The following PAPSS2 variants were observed in gnomAD, a reference collection of about 807,000 sequenced individuals.
PAPSS2 encodes bifunctional 3'-phosphoadenosine 5'-phosphosulfate synthase 2.
Under a neutral mutation model 66.5 loss-of-function variants are expected in PAPSS2, and 61 were observed. That is an observed-to-expected ratio of 0.92 (90% CI 0.75 to 1.14). The LOEUF is 1.14. Among genes scored for constraint, PAPSS2 ranks in the 50% most tolerant of loss-of-function variants. The probability of loss-of-function intolerance (pLI) is 0.00; values close to 1 mark genes in which losing one functional copy is unlikely to be tolerated. For missense variants in PAPSS2, 708 were observed against 789.6 expected, an observed-to-expected ratio of 0.90 and a Z score of 1.24; for synonymous variants, 289 against 287.5, an observed-to-expected ratio of 1.01 and a Z score of -0.05.
At chr10:87,730,313 A>G (rs1439556082) in intron 9 of PAPSS2, among the ~76,000 whole-genome samples, 1 of 152,204 alleles carries the variant, frequency 6.6e-6, no homozygotes, top group East Asian at 1.9e-4. Flanking sequence ...TCCTGAGATT[A>G]TAGAAAAAAT....
chr10:87,741,333 T>C lies in PAPSS2; in HGVS notation c.1185T>C (p.Pro395=). 1.2e-6 allele frequency: 2 copies of C among 1,613,846 alleles called. No individual in the cohort carries two copies. The highest frequency in any genetic ancestry group is 1.7e-6 in the Non-Finnish European group (2 of 1,179,726). ...NDGLDQYRLT[P]LELKQKCKEM... is the part of the protein sequence containing the mutation. ...GGCTGGACCAATACCGTCTGACACCTCTGGAGCTCAAACAGAAATGTAAAG... is the reference window on the plus strand; with the variant it reads ...GGCTGGACCAATACCGTCTGACACCCCTGGAGCTCAAACAGAAATGTAAAG... Residue 395 remains proline (P), a synonymous_variant, in exon 10 of 13, where the codon CCT becomes CCC. Transcript: ENST00000456849.
intron 9 of PAPSS2, among the ~76,000 whole-genome samples, chr10:87,739,389 G>T (rs995535154): frequency 2.0e-5 from 3 of 152,198 alleles, no homozygotes; most frequent in African/African-American, 7.2e-5. Flanking sequence ...GCGCTTTGGA[G>T]ATTTCCTTTT....
At chr10:87,689,030 A>C (rs1256234173) in intron 1 of PAPSS2, among the ~76,000 whole-genome samples, 1 of 152,086 alleles carries the variant, frequency 6.6e-6, no homozygotes, top group African/African-American at 2.4e-5. Flanking sequence ...CACAAAGTTA[A>C]GGAATAAAGA....
chr10:87,668,919 T>C (rs1020282668), intron 1 of PAPSS2, among the ~76,000 whole-genome samples: 1 of 152,210 alleles, frequency 6.6e-6, no homozygotes, highest in African/African-American at 2.4e-5. Context: ...CCCTGCCTAT[T>C]TTCTACAGCT....
chr10:87,695,464 G>T (rs1203786434), intron 1 of PAPSS2, among the ~76,000 whole-genome samples: 1 of 152,146 alleles, frequency 6.6e-6, no homozygotes. Context: ...CAGGTTAGGG[G>T]GCAAAAGGCA....
At chr10:87,738,954 A>T (rs1000344839) in intron 9 of PAPSS2, among the ~76,000 whole-genome samples, 1 of 152,148 alleles carries the variant, frequency 6.6e-6, no homozygotes, top group Non-Finnish European at 1.5e-5. Flanking sequence ...TGATTTTCAA[A>T]TATTTTCTCT....
In PAPSS2 at chr10:87,713,170, G is replaced by C; in HGVS notation, c.241G>C (p.Val81Leu). ...IPCYSLDGDN[V>L]RHGLNRNLGF... Reference sequence around the variant, plus strand: ...TTGTTACTCCCTGGATGGGGACAATGTCCGTCATGGCCTTAACAGAAATCT... The same window carrying C: ...TTGTTACTCCCTGGATGGGGACAATCTCCGTCATGGCCTTAACAGAAATCT... The change falls in exon 3 of 13, where the codon GTC (valine) becomes CTC (leucine). Residue 81 changes from valine (V) to leucine (L), a missense_variant. Physicochemically the swap from Val to Leu is conservative, Grantham distance 32 (BLOSUM62 1). Transcript: ENST00000456849. 6.2e-7 allele frequency: 1 copy of C among 1,613,272 alleles called. No homozygotes were observed. Among genetic ancestry groups the C allele is most frequent in the Non-Finnish European group, 8.5e-7 (1 of 1,179,472 alleles).
chr10:87,747,019 T>C lies in PAPSS2; in HGVS notation c.*1049T>C, dbSNP rs1853949922. The C allele has an allele frequency of 6.6e-6, 1 of 152,154 alleles. No individual in the cohort carries two copies. The highest frequency in any genetic ancestry group is 1.5e-5 in the Non-Finnish European group (1 of 68,020). The allele number at this position is 152,154 out of a possible 1,614,324, so 9.4% of individuals were successfully genotyped here. ...GGCAGTGAAGAAGCACCCAGGCCAC[T>C]TGACTCCCAGTCTGGTGCCCTGTCT... is the stretch of plus-strand genomic sequence containing the variant. On this transcript the variant is annotated 3_prime_UTR_variant, in exon 13 of 13. Transcript: ENST00000456849.
intron 9 of PAPSS2, among the ~76,000 whole-genome samples, chr10:87,731,420 C>G (rs955119680): frequency 9.9e-5 from 15 of 152,246 alleles, no homozygotes; most frequent in Middle Eastern, 3.2e-3. Flanking sequence ...AATTTGTTTT[C>G]ATGCATAACA....
At chr10:87,712,504 T>A (rs987272116) in intron 2 of PAPSS2, among the ~76,000 whole-genome samples, 1 of 152,162 alleles carries the variant, frequency 6.6e-6, no homozygotes, top group African/African-American at 2.4e-5. Flanking sequence ...CAGGTTGGAG[T>A]GTAGTGGTGC....
intron 1 of PAPSS2, among the ~76,000 whole-genome samples, chr10:87,667,479 T>C (rs1852828545): frequency 6.6e-6 from 1 of 151,940 alleles, no homozygotes; most frequent in East Asian, 1.9e-4. Context: ...AAACAAACAA[T>C]AAATTGGTGC....
chr10:87,660,045 G>A (rs1030128930), intron 1 of PAPSS2, 37 bp downstream of exon 1: 1 of 1,597,052 alleles, frequency 6.3e-7, no homozygotes, highest in Non-Finnish European at 8.5e-7. Flanking sequence ...CCCCGCCACC[G>A]CACTGCACGC....
At chr10:87,670,921 A>G (rs1852868670) in intron 1 of PAPSS2, among the ~76,000 whole-genome samples, 1 of 152,186 alleles carries the variant, frequency 6.6e-6, no homozygotes. Context: ...CCTTGTTGTC[A>G]TAATAACATC....
chr10:87,686,140 G>GT (rs1263290463), intron 1 of PAPSS2, among the ~76,000 whole-genome samples: 2 of 142,878 alleles, frequency 1.4e-5, no homozygotes, highest in East Asian at 2.2e-4. Context: ...GATGGAAGGT[G>GT]GTTTTTTTTT....
At chr10:87,730,384 C>T (rs1038212447) in intron 9 of PAPSS2, among the ~76,000 whole-genome samples, 1 of 152,082 alleles carries the variant, frequency 6.6e-6, no homozygotes, top group South Asian at 2.1e-4. Flanking sequence ...GCTGGTAAGA[C>T]AGGTTATGGG....
intron 1 of PAPSS2, among the ~76,000 whole-genome samples, chr10:87,708,156 C>T (rs1853416181): frequency 6.6e-6 from 1 of 152,186 alleles, no homozygotes; most frequent in Non-Finnish European, 1.5e-5. Flanking sequence ...ATTCATCAGA[C>T]TTGTACCTCC....
At chr10:87,729,253 A>G (rs1309681958) in intron 9 of PAPSS2, among the ~76,000 whole-genome samples, 3 of 150,784 alleles carry the variant, frequency 2.0e-5, no homozygotes, top group Admixed American at 2.0e-4. Flanking sequence ...TTTTTTAACA[A>G]ATTGAAGGTT....
At chr10:87,733,942 C>G (rs1357381228) in intron 9 of PAPSS2, among the ~76,000 whole-genome samples, 1 of 152,034 alleles carries the variant, frequency 6.6e-6, no homozygotes, top group African/African-American at 2.4e-5. Context: ...TCTCTTCTCC[C>G]CTTGTCCATT....
chr10:87,742,865 C>A (rs755653069), intron 10 of PAPSS2, among the ~76,000 whole-genome samples: 1 of 152,222 alleles, frequency 6.6e-6, no homozygotes, highest in Non-Finnish European at 1.5e-5. Context: ...GCCTCTGCAT[C>A]TCATCCCTGT....
Sources: gnomAD v4.1 joint callset for allele counts (sites outside exome capture counted in the v4.1 genomes callset) on GRCh38, gnomAD v4.1.1 for gene constraint, MANE v1.5 for transcripts, NCBI Gene and HGNC (gene_info 2026-07-23, HGNC 2026-07-21) for gene names.